The following CLMN variants were observed in gnomAD, a reference collection of about 807,000 sequenced individuals.
CLMN encodes calmin, also known as calmin (calponin-like, transmembrane).
Under a neutral mutation model 92.7 loss-of-function variants are expected in CLMN, and 57 were observed. The ratio of observed to expected loss-of-function variants is 0.61; its 90% confidence interval spans 0.50 to 0.77. CLMN has a LOEUF of 0.77. Ranked by LOEUF, CLMN falls within the 30% of genes least tolerant of loss-of-function variation. The pLI is 0.00. For missense variants in CLMN, 1,158 were observed against 1,237.5 expected, an observed-to-expected ratio of 0.94 and a Z score of 0.96; for synonymous variants, 466 against 470.6, an observed-to-expected ratio of 0.99 and a Z score of 0.13.
chr14:95,247,412 A>C (rs985547862), intron 1 of CLMN, among the ~76,000 whole-genome samples: 15 of 152,332 alleles, frequency 9.8e-5, no homozygotes, highest in African/African-American at 3.4e-4. Flanking sequence ...CTGGGAAGAA[A>C]AGAGGTGCTG....
chr14:95,262,538 AG>A (rs1216364222), intron 1 of CLMN, among the ~76,000 whole-genome samples: 4 of 152,152 alleles, frequency 2.6e-5, no homozygotes, highest in Non-Finnish European at 5.9e-5. Context: ...GGTAAGTTCA[AG>A]GTAGGGCCTA....
intron 1 of CLMN, among the ~76,000 whole-genome samples, chr14:95,280,984 C>T (rs1428162686): frequency 6.6e-6 from 1 of 152,160 alleles, no homozygotes; most frequent in African/African-American, 2.4e-5. Flanking sequence ...TTTAAAAGGT[C>T]GTTTATAATC....
chr14:95,209,404 C>T lies in CLMN; in HGVS notation c.876G>A (p.Glu292=). ...AGAAAAGCAAACATACGGCTTCCAA[C>T]TCCGGAAAACGTTCTAGAAACTGTG... ...YVAQFLERFP[E]LEAEDIFDSD... is the part of the protein sequence containing the mutation. Residue 292 remains glutamate, a synonymous_variant, in exon 8 of 13, where the codon GAG becomes GAA. Coordinates refer to ENST00000298912, the MANE Select transcript of CLMN (RefSeq NM_024734.4). 3.1e-6 allele frequency: 5 copies of T among 1,614,034 alleles called. No homozygotes were observed. The highest frequency in any genetic ancestry group is 2.2e-5 in the East Asian group (1 of 44,864).
chr14:95,192,049 A>G, intron 12 of CLMN: 1 of 226,036 alleles, frequency 4.4e-6, no homozygotes, highest in South Asian at 1.4e-4. Flanking sequence ...AGGCCATGCA[A>G]TTAACTTGGC....
At chr14:95,270,780 C>G (rs918950016) in intron 1 of CLMN, among the ~76,000 whole-genome samples, 1 of 152,170 alleles carries the variant, frequency 6.6e-6, no homozygotes, top group African/African-American at 2.4e-5. Flanking sequence ...TAAACATTTG[C>G]ATTCATTTTT....
rs1323757531 is a variant in CLMN, at chr14:95,194,362, C to T, written c.2769+174G>A. ...TATTTACATCTCTTATTGCCCAAACCGGATATCCGATCGGACTGTGCTTAA... is the reference window on the plus strand; with the variant it reads ...TATTTACATCTCTTATTGCCCAAACTGGATATCCGATCGGACTGTGCTTAA... On this transcript the variant is annotated intron_variant, in intron 11 of 12. Transcript: ENST00000298912. This position sits in a 1 kb window ranked among gnomAD's most constrained non-coding sequence, Gnocchi z 4.0. 8.3e-6 allele frequency: 12 copies of T among 1,446,998 alleles called. No individual in the cohort carries two copies. The highest frequency in any genetic ancestry group is 5.7e-5 in the African/African-American group (4 of 69,812). The allele number at this position is 1,446,998 out of a possible 1,614,324, so 89.6% of individuals were successfully genotyped here. A position where few individuals can be genotyped will look rare whatever the true frequency, so the allele number is the denominator to read the frequency against.
chr14:95,273,838 T>G (rs1248173880), intron 1 of CLMN, among the ~76,000 whole-genome samples: 3 of 152,186 alleles, frequency 2.0e-5, no homozygotes, highest in Admixed American at 2.0e-4. Context: ...AAGGCCTCCC[T>G]GCTTCCCAAA....
intron 1 of CLMN, among the ~76,000 whole-genome samples, chr14:95,269,183 T>C (rs923317391): frequency 6.6e-6 from 1 of 152,212 alleles, no homozygotes; most frequent in African/African-American, 2.4e-5. Flanking sequence ...CACCAAGACG[T>C]TAATCAAATA....
At chr14:95,250,350 G>A (rs1408556373) in intron 1 of CLMN, among the ~76,000 whole-genome samples, 1 of 152,220 alleles carries the variant, frequency 6.6e-6, no homozygotes, top group African/African-American at 2.4e-5. Context: ...ATTTCAGCTA[G>A]TTCCAATGTT....
rs768047069 is a variant in CLMN, at chr14:95,223,710, C to T, written c.240+50G>A. 4.1e-5 allele frequency: 57 copies of T among 1,391,354 alleles called. No individual in the cohort carries two copies. The Middle Eastern group carries it at 1.1e-3, about 26-fold the overall frequency. 86.2% of individuals were successfully genotyped at this position (1,391,354 alleles called of 1,614,324 possible). A position where few individuals can be genotyped will look rare whatever the true frequency, so the allele number is the denominator to read the frequency against. On this transcript the variant is annotated intron_variant, in intron 3 of 12. Transcript: ENST00000298912. ...TGTGTTGAAAAGAAAACCTCAGCAG[C>T]GTTTTCCTTTGCATTTTCTTTCTTT...
At chr14:95,222,425 C>G in intron 3 of CLMN, 5 of 380,006 alleles carry the variant, frequency 1.3e-5, no homozygotes, top group South Asian at 9.8e-5. Flanking sequence ...CACACTGACG[C>G]TCCTCCAGGT....
At chr14:95,245,254 AATATATATATATATATT>A (rs1898492270) in intron 1 of CLMN, among the ~76,000 whole-genome samples, 1 of 27,976 alleles carries the variant, frequency 3.6e-5, no homozygotes, top group Non-Finnish European at 5.8e-5. Context: ...ATATATATAT[AATATATATATATATATT>A]ATATATATAT....
At chr14:95,198,012 C>A (rs1403974218) in intron 9 of CLMN, among the ~76,000 whole-genome samples, 1 of 148,550 alleles carries the variant, frequency 6.7e-6, no homozygotes, top group Non-Finnish European at 1.5e-5. Flanking sequence ...TTTCTAGTCC[C>A]TTTGGCTGGG....
intron 2 of CLMN, among the ~76,000 whole-genome samples, chr14:95,225,482 G>A (rs1897682613): frequency 6.6e-6 from 1 of 152,224 alleles, no homozygotes; most frequent in Non-Finnish European, 1.5e-5. Context: ...CACCTACCCG[G>A]CCCATTCCCA....
At chr14:95,214,828 C>T (rs1897291271) in intron 5 of CLMN, among the ~76,000 whole-genome samples, 1 of 152,064 alleles carries the variant, frequency 6.6e-6, no homozygotes, top group Admixed American at 6.6e-5. Context: ...GAAATGCAGG[C>T]ATTGCGCCAA....
At chr14:95,318,978 C>G (rs1288153159) in intron 1 of CLMN, among the ~76,000 whole-genome samples, 2 of 152,220 alleles carry the variant, frequency 1.3e-5, no homozygotes, top group Non-Finnish European at 2.9e-5. Context: ...TACCCAGCCG[C>G]TCTCCACCAC....
chr14:95,204,093 G>A lies in CLMN; in HGVS notation c.1256C>T (p.Ser419Phe). Residue 419 changes from serine to phenylalanine, a missense_variant, in exon 9 of 13, where the codon TCT (serine) becomes TTT (phenylalanine). Transcript: ENST00000298912. ...GTGAACTGTTTTCTTGATCGGCAAA[G>A]AGTTGGACCTCCCGTTCTCCTTTCT... The part of the protein sequence containing the change: ...SSRKENGRSN[S>F]LPIKKTVHFE... The A allele has an allele frequency of 2.5e-6, 4 of 1,614,182 alleles. No homozygotes were observed. Among genetic ancestry groups the A allele is most frequent in the Non-Finnish European group, 3.4e-6 (4 of 1,180,034 alleles).
chr14:95,293,454 A>T (rs1477437150), intron 1 of CLMN, among the ~76,000 whole-genome samples: 1 of 144,680 alleles, frequency 6.9e-6, no homozygotes, highest in Non-Finnish European at 1.5e-5. Context: ...CCTATTTTCA[A>T]GTTTTCTCTG....
chr14:95,256,690 C>T lies in CLMN; in HGVS notation c.83-26557G>A, dbSNP rs1356795285. ...AGTCCTTCATTTGTTCATTTCAAAA[C>T]GAAACTGAACATGGCGTGTGTCTAG... On this transcript the variant is annotated intron_variant, in intron 1 of 12. Coordinates refer to ENST00000298912, the MANE Select transcript of CLMN (RefSeq NM_024734.4). The surrounding 1 kb of genome is among the most constrained non-coding windows in gnomAD (Gnocchi z 4.9). Among the ~76,000 whole-genome samples, 2 of 152,152 alleles carry T rather than the reference C, an allele frequency of 1.3e-5. No individual in the cohort carries two copies. Among genetic ancestry groups the T allele is most frequent in the South Asian group, 2.1e-4 (1 of 4,836 alleles).
Sources: allele counts gnomAD v4.1 joint callset (sites outside exome capture counted in the v4.1 genomes callset), GRCh38; gene constraint gnomAD v4.1.1; non-coding constraint Gnocchi (gnomAD v3.1); transcripts MANE v1.5; gene names NCBI Gene and HGNC (gene_info 2026-07-23, HGNC 2026-07-21).